The following NBEA variants were observed in gnomAD, a reference collection of about 807,000 sequenced individuals.
The protein encoded by NBEA is neurobeachin.
A neutral mutation model predicts 343.4 loss-of-function variants in NBEA; 44 were observed. The observed-to-expected ratio is 0.13, with a 90% CI of 0.10 to 0.16. The LOEUF (loss-of-function observed/expected upper bound fraction) is 0.16. NBEA is among the 10% of genes least tolerant of loss of function. NBEA has a pLI of 1.00. For synonymous variants in NBEA, 1,175 were observed against 1,238.7 expected, an observed-to-expected ratio of 0.95 and a Z score of 1.08; for missense variants, 2,555 against 3,631.3, an observed-to-expected ratio of 0.70 and a Z score of 7.62.
At chr13:35,468,441 T>A (rs927475598) in intron 40 of NBEA, among the ~76,000 whole-genome samples, 1 of 152,188 alleles carries the variant, frequency 6.6e-6, no homozygotes, top group East Asian at 1.9e-4. Flanking sequence ...GACTGCTACA[T>A]CTCTTCAATT....
chr13:35,297,220 A>G (rs562929181), intron 35 of NBEA, among the ~76,000 whole-genome samples: 3 of 152,096 alleles, frequency 2.0e-5, no homozygotes, highest in African/African-American at 7.2e-5. Context: ...TATCTTCCCA[A>G]TTATTTCAAA....
intron 33 of NBEA, among the ~76,000 whole-genome samples, chr13:35,223,345 G>A (rs1270435508): frequency 2.0e-5 from 3 of 151,978 alleles, no homozygotes; most frequent in African/African-American, 7.2e-5. Context: ...AATTACCTCC[G>A]TTTTTGTTGT....
intron 10 of NBEA, among the ~76,000 whole-genome samples, chr13:35,084,585 G>T (rs888058114): frequency 6.6e-6 from 1 of 152,186 alleles, no homozygotes; most frequent in African/African-American, 2.4e-5. Flanking sequence ...TCAAAGCAGT[G>T]TGTAGAGGGA....
chr13:35,586,652 C>A (rs1004912458), intron 46 of NBEA, among the ~76,000 whole-genome samples: 1 of 152,128 alleles, frequency 6.6e-6, no homozygotes, highest in African/African-American at 2.4e-5. Flanking sequence ...TTAAATCCGG[C>A]ACTTTTAAAG....
intron 41 of NBEA, among the ~76,000 whole-genome samples, chr13:35,487,952 G>A (rs766826563): frequency 1.3e-5 from 2 of 151,696 alleles, no homozygotes; most frequent in African/African-American, 2.4e-5. Context: ...GAATAATAGC[G>A]AAACATGGGT....
intron 45 of NBEA, among the ~76,000 whole-genome samples, chr13:35,567,730 T>A (rs1566334613): frequency 6.6e-6 from 1 of 152,232 alleles, no homozygotes; most frequent in Non-Finnish European, 1.5e-5. Flanking sequence ...TCTATCAGAC[T>A]TGATTGTCTG....
intron 38 of NBEA, among the ~76,000 whole-genome samples, chr13:35,422,362 T>C (rs2044344866): frequency 1.4e-5 from 2 of 142,900 alleles, no homozygotes; most frequent in African/African-American, 2.6e-5. Context: ...TGTGTTCTCA[T>C]TGTTCAGTTC....
chr13:35,333,976 G>A (rs142147039), intron 36 of NBEA, among the ~76,000 whole-genome samples: 7 of 151,910 alleles, frequency 4.6e-5, no homozygotes, highest in African/African-American at 1.7e-4. Flanking sequence ...TCCAAATCTT[G>A]GCTACTGTTA....
intron 38 of NBEA, among the ~76,000 whole-genome samples, chr13:35,397,001 T>C (rs2152903893): frequency 6.6e-6 from 1 of 152,316 alleles, no homozygotes; most frequent in South Asian, 2.1e-4. Flanking sequence ...ACTTCTACAC[T>C]ATCTTGCTAA....
intron 1 of NBEA, among the ~76,000 whole-genome samples, chr13:34,988,868 C>CT (rs1285085545): frequency 6.6e-6 from 1 of 150,704 alleles, no homozygotes; most frequent in Non-Finnish European, 1.5e-5. Context: ...GTAGCTGAGT[C>CT]TTTATAAAAA....
chr13:35,161,841 G>T lies in NBEA; in HGVS notation c.3953G>T (p.Arg1318Leu). 1.2e-6 allele frequency: 2 copies of T among 1,611,048 alleles called. No homozygotes were observed. The highest frequency in any genetic ancestry group is 4.5e-5 in the East Asian group (2 of 44,688). ...ATGCCAATGACTGAGGAACAGCGAC[G>T]CCAGTTTAGCCCAGGTCCACGGACT... is the stretch of plus-strand genomic sequence containing the variant. ...RGMPMTEEQRRQFSPGPRTTM... is the reference protein window; with the variant it reads ...RGMPMTEEQRLQFSPGPRTTM... The change falls in exon 23 of 59, where the codon CGC (arginine) becomes CTC (leucine). Residue 1318 changes from arginine to leucine, a missense_variant. Physicochemically the swap from Arg to Leu is moderately radical, Grantham distance 102. Transcript: ENST00000379939.
intron 34 of NBEA, chr13:35,251,278 C>A: frequency 1.9e-6 from 1 of 536,684 alleles, no homozygotes; most frequent in Non-Finnish European, 2.5e-6. Flanking sequence ...TCGCTGGTAG[C>A]AGATTCATAG....
intron 5 of NBEA, 117 bp downstream of exon 5, chr13:35,048,801 A>G: frequency 5.5e-6 from 3 of 541,590 alleles, no homozygotes; most frequent in East Asian, 3.1e-5. Flanking sequence ...AATATATGCT[A>G]GAACTGTGAA....
At chr13:35,139,964 C>T (rs2067997482) in intron 17 of NBEA, among the ~76,000 whole-genome samples, 1 of 151,916 alleles carries the variant, frequency 6.6e-6, no homozygotes, top group Non-Finnish European at 1.5e-5. Context: ...TCTTCGGTAG[C>T]TGAAGTAGTA....
chr13:35,457,327 G>A (rs191074499), intron 40 of NBEA, among the ~76,000 whole-genome samples: 1 of 152,154 alleles, frequency 6.6e-6, no homozygotes, highest in East Asian at 1.9e-4. Flanking sequence ...ACAATTTAGT[G>A]ATTTTTTGGT....
At chr13:35,224,051 C>T (rs116972931) in intron 33 of NBEA, among the ~76,000 whole-genome samples, 2,159 of 152,264 alleles carry the variant, frequency 0.014, 26 homozygotes, top group Non-Finnish European at 0.021. Context: ...CTCCTACATT[C>T]GGCATTAGTA....
intron 58 of NBEA, 35 bp from the exon 59 acceptor site, chr13:35,670,866 T>C: frequency 1.4e-6 from 2 of 1,440,920 alleles, no homozygotes; most frequent in Non-Finnish European, 1.9e-6. Context: ...GAAATGATTT[T>C]ATATCACTCT....
chr13:35,139,602 A>G (rs2067953471), intron 17 of NBEA, among the ~76,000 whole-genome samples: 2 of 152,102 alleles, frequency 1.3e-5, no homozygotes, highest in South Asian at 4.1e-4. Context: ...TTATGATGTT[A>G]GTTTTTCCAG....
At chr13:35,272,935 A>G (rs2034279304) in intron 34 of NBEA, among the ~76,000 whole-genome samples, 1 of 152,180 alleles carries the variant, frequency 6.6e-6, no homozygotes, top group South Asian at 2.1e-4. Flanking sequence ...TCAATATTAG[A>G]CAGATCAATG....
Sources: allele counts gnomAD v4.1 joint callset (sites outside exome capture counted in the v4.1 genomes callset), GRCh38; gene constraint gnomAD v4.1.1; transcripts MANE v1.5; gene names NCBI Gene and HGNC (gene_info 2026-07-23, HGNC 2026-07-21).